DENND1A: variants seen among roughly 807,000 people sequenced by gnomAD.
DENND1A encodes the protein DENN domain containing 1A.
In DENND1A, 51 loss-of-function variants were observed where a neutral mutation model predicts 113.7. The ratio of observed to expected loss-of-function variants is 0.45; its 90% CI spans 0.36 to 0.57. DENND1A has a LOEUF of 0.57. DENND1A is among the 20% of genes least tolerant of loss of function. DENND1A has a pLI of 0.00. For synonymous variants in DENND1A, 565 were observed against 570.8 expected, an observed-to-expected ratio of 0.99 and a Z score of 0.14; for missense variants, 1,258 against 1,395.9, an observed-to-expected ratio of 0.90 and a Z score of 1.57.
intron 12 of DENND1A, among the ~76,000 whole-genome samples, chr9:123,569,137 T>C (rs1470485561): frequency 6.6e-6 from 1 of 152,202 alleles, no homozygotes; most frequent in Non-Finnish European, 1.5e-5. Flanking sequence ...AGTTAAATCT[T>C]TGTTACGACA....
chr9:123,543,388 A>G (rs2056427890), intron 13 of DENND1A, among the ~76,000 whole-genome samples: 1 of 152,244 alleles, frequency 6.6e-6, no homozygotes, highest in Non-Finnish European at 1.5e-5. Context: ...TTAAAAAGTT[A>G]CAGTAGATGT....
intron 9 of DENND1A, among the ~76,000 whole-genome samples, chr9:123,651,106 A>T (rs1209397516): frequency 6.6e-6 from 1 of 151,906 alleles, no homozygotes; most frequent in Non-Finnish European, 1.5e-5. Flanking sequence ...GAAAATGTGA[A>T]CTCATACTTA....
intron 13 of DENND1A, among the ~76,000 whole-genome samples, chr9:123,489,001 G>A (rs780850651): frequency 1.2e-4 from 19 of 152,076 alleles, no homozygotes; most frequent in Non-Finnish European, 1.8e-4. Context: ...GGCTTCAAAG[G>A]TAGAGAAGCG....
At chr9:123,417,890 G>T (rs2044872667) in intron 19 of DENND1A, among the ~76,000 whole-genome samples, 3 of 151,990 alleles carry the variant, frequency 2.0e-5, no homozygotes, top group South Asian at 2.1e-4. Context: ...TAGATTGGGG[G>T]GGGGGCAGTG....
At chr9:123,421,162 G>A (rs1166417126) in intron 19 of DENND1A, among the ~76,000 whole-genome samples, 1 of 149,810 alleles carries the variant, frequency 6.7e-6, no homozygotes, top group Non-Finnish European at 1.5e-5. Context: ...GATGTTGGGG[G>A]AAATGATCTC....
chr9:123,893,442 T>C (rs1003455275), intron 1 of DENND1A, among the ~76,000 whole-genome samples: 3 of 152,214 alleles, frequency 2.0e-5, no homozygotes, highest in African/African-American at 7.2e-5. Context: ...CTATTTGCAA[T>C]TTAGCCTCAG....
intron 13 of DENND1A, among the ~76,000 whole-genome samples, chr9:123,500,371 C>T (rs1334956686): frequency 1.3e-5 from 2 of 152,178 alleles, no homozygotes; most frequent in African/African-American, 4.8e-5. Flanking sequence ...TAAAAGGAAA[C>T]TGAGGCAACA....
intron 2 of DENND1A, among the ~76,000 whole-genome samples, chr9:123,809,684 T>C (rs1836208298): frequency 6.6e-6 from 1 of 152,200 alleles, no homozygotes; most frequent in African/African-American, 2.4e-5. Flanking sequence ...TTAAATGTCA[T>C]TCTATTTATG....
chr9:123,527,935 C>G (rs943648402), intron 13 of DENND1A, among the ~76,000 whole-genome samples: 4 of 152,196 alleles, frequency 2.6e-5, no homozygotes, highest in Non-Finnish European at 5.9e-5. Context: ...ATCTGTAAAA[C>G]TGATGTTGCT....
At chr9:123,629,111 G>C (rs1410965711) in intron 10 of DENND1A, among the ~76,000 whole-genome samples, 1 of 152,152 alleles carries the variant, frequency 6.6e-6, no homozygotes, top group Non-Finnish European at 1.5e-5. Flanking sequence ...TACTTGGGTG[G>C]ACCTTTCCAG....
At chr9:123,786,054 AAC>A (rs1402852969) in intron 3 of DENND1A, among the ~76,000 whole-genome samples, 1 of 152,032 alleles carries the variant, frequency 6.6e-6, no homozygotes, top group Non-Finnish European at 1.5e-5. Flanking sequence ...CTCTACTAAA[AAC>A]ACAAAAATTA....
At chr9:123,414,679 A>C (rs2044580668) in intron 19 of DENND1A, 6 of 1,481,210 alleles carry the variant, frequency 4.1e-6, no homozygotes, top group Non-Finnish European at 4.6e-6. Context: ...AAAAAGTCCT[A>C]TTTCCCAAGT....
At chr9:123,648,157 G>T (rs1297743527) in intron 9 of DENND1A, among the ~76,000 whole-genome samples, 1 of 152,142 alleles carries the variant, frequency 6.6e-6, no homozygotes. Context: ...ATACCTTACT[G>T]CAAAGCCATG....
intron 5 of DENND1A, among the ~76,000 whole-genome samples, chr9:123,734,360 C>T (rs1478076193): frequency 6.6e-6 from 1 of 152,018 alleles, no homozygotes; most frequent in African/African-American, 2.4e-5. Flanking sequence ...CTTTCTTTAT[C>T]AGAGTTCAAT....
chr9:123,675,174 T>C (rs2063998185), intron 6 of DENND1A, among the ~76,000 whole-genome samples: 2 of 152,228 alleles, frequency 1.3e-5, no homozygotes, highest in African/African-American at 2.4e-5. Context: ...ACCTCTGGAA[T>C]ACATTTGCCA....
At chr9:123,391,216 G>T (rs2042825756) in intron 21 of DENND1A, among the ~76,000 whole-genome samples, 1 of 152,192 alleles carries the variant, frequency 6.6e-6, no homozygotes, top group South Asian at 2.1e-4. Flanking sequence ...GGCTGGTTGG[G>T]CAGTGATTTC....
chr9:123,463,754 C>T (rs1406512546), intron 13 of DENND1A, among the ~76,000 whole-genome samples: 2 of 151,648 alleles, frequency 1.3e-5, no homozygotes, highest in Non-Finnish European at 2.9e-5. Flanking sequence ...TACAAAAATA[C>T]AAAAATTAGC....
intron 2 of DENND1A, among the ~76,000 whole-genome samples, chr9:123,860,689 T>G (rs1331970995): frequency 6.6e-6 from 1 of 152,200 alleles, no homozygotes; most frequent in Non-Finnish European, 1.5e-5. Context: ...ACACCTATAC[T>G]TCATCTCTGC....
chr9:123,456,094 T>A (rs1206018223), intron 15 of DENND1A, among the ~76,000 whole-genome samples: 2 of 152,194 alleles, frequency 1.3e-5, no homozygotes. Flanking sequence ...TATTGCTGTT[T>A]GTAGACTTCA....
Sources: allele counts gnomAD v4.1 joint callset (sites outside exome capture counted in the v4.1 genomes callset), GRCh38; gene constraint gnomAD v4.1.1; transcripts MANE v1.5; gene names NCBI Gene and HGNC (gene_info 2026-07-23, HGNC 2026-07-21).